PCDHGB3: variants seen among roughly 807,000 people sequenced by gnomAD.
PCDHGB3 encodes protocadherin gamma subfamily B, 3, also known as protocadherin gamma-B3.
PCDHGB3 carries 40 observed loss-of-function variants against 59.2 expected under a neutral mutation model. That is an observed-to-expected ratio of 0.68 (90% CI 0.52 to 0.88). The LOEUF (loss-of-function observed/expected upper bound fraction) is 0.88, where lower values mean the gene tolerates loss of function less well. Ranked by LOEUF, PCDHGB3 falls within the 40% of genes least tolerant of loss-of-function variation. PCDHGB3 has a pLI of 0.00. For missense variants in PCDHGB3, 1,309 were observed against 1,187.9 expected (o/e 1.10, Z -1.50); for synonymous variants, 581 against 503.6 (o/e 1.15, Z -2.06).
intron 1 of PCDHGB3, chr5:141,403,407 A>T (rs2094404225): frequency 6.2e-7 from 1 of 1,613,940 alleles, no homozygotes. Context: ...GGAGCACGTT[A>T]TCCACTTCCA....
At chr5:141,422,168 G>T in intron 1 of PCDHGB3, 2 of 1,563,582 alleles carry the variant, frequency 1.3e-6, no homozygotes, top group Non-Finnish European at 1.7e-6. Context: ...GAAAAATATA[G>T]ATTCTATGAG....
At chr5:141,403,105 C>T in intron 1 of PCDHGB3, 1 of 1,614,056 alleles carries the variant, frequency 6.2e-7, no homozygotes. Flanking sequence ...TCTCCAAGGA[C>T]CTGGCTCTGG....
chr5:141,483,257 T>G, intron 1 of PCDHGB3, among the ~76,000 whole-genome samples: 1 of 137,924 alleles, frequency 7.3e-6, no homozygotes, highest in East Asian at 1.9e-4. Flanking sequence ...ATCATGAGGT[T>G]TTTTTGTTTT....
chr5:141,415,455 G>A (rs571718366), intron 1 of PCDHGB3: 2 of 1,614,186 alleles, frequency 1.2e-6, no homozygotes, highest in African/African-American at 1.3e-5. Context: ...ATTCCCACGA[G>A]GTCTCTCTCA....
At chr5:141,492,008 G>A (rs1201433644) in intron 1 of PCDHGB3, 21 of 616,588 alleles carry the variant, frequency 3.4e-5, no homozygotes, top group Admixed American at 2.9e-4. Flanking sequence ...CGATTTCCGC[G>A]GGTGTCGGGG....
Position 141,432,794 on chromosome 5 carries a change from G to C in PCDHGB3, c.2415+59985G>C. 3 of 1,614,138 alleles carry C rather than the reference G, an allele frequency of 1.9e-6. No homozygotes were observed. The highest frequency in any genetic ancestry group is 1.7e-5 in the Admixed American group (1 of 60,026). ...AGTCCTGGCGGACCTCGGCAGCCTC[G>C]AGTCTCCAGCTAACTCTGAAACCTC... On this transcript the variant is annotated intron_variant, in intron 1 of 3. Coordinates refer to ENST00000576222, the MANE Select transcript of PCDHGB3 (RefSeq NM_018924.5). The surrounding 1 kb of genome is among the most constrained non-coding windows in gnomAD (Gnocchi z 6.0).
chr5:141,381,826 C>CTTCTT (rs1777532522), intron 1 of PCDHGB3, among the ~76,000 whole-genome samples: 13 of 74,294 alleles, frequency 1.7e-4, no homozygotes, highest in South Asian at 5.2e-4. Context: ...CTTTCTTCTT[C>CTTCTT]TTTTTTTTTT....
At chr5:141,510,056 G>C (rs1450505898) in intron 3 of PCDHGB3, among the ~76,000 whole-genome samples, 2 of 152,174 alleles carry the variant, frequency 1.3e-5, no homozygotes. Flanking sequence ...AAGTGATTGT[G>C]CATGTGAAGC....
Position 141,374,094 on chromosome 5 carries a change from C to A in PCDHGB3, c.2415+1285C>A. 1 of 1,555,744 alleles carries A rather than the reference C, an allele frequency of 6.4e-7. No homozygotes were observed. The highest frequency in any genetic ancestry group is 1.2e-5 in the South Asian group (1 of 82,772). On this transcript the variant is annotated intron_variant, in intron 1 of 3. Coordinates refer to ENST00000576222, the MANE Select transcript of PCDHGB3 (RefSeq NM_018924.5). ...CCTAATAAGCCAGTAATGGCGCCTC[C>A]GCAGAGGCATCCGCAGCGCAGCGAG...
At position 141,489,733 on chromosome 5, in the gene PCDHGB3, A is replaced by C; in HGVS notation, c.2416-5074A>C. ...TGCCCAGGATCCGGATGTGGGCACC[A>C]ATACTGTGAGCTTTTACACTCTAAG... On this transcript the variant is annotated intron_variant, in intron 1 of 3. Coordinates refer to ENST00000576222, the MANE Select transcript of PCDHGB3 (RefSeq NM_018924.5). This position sits in a 1 kb window ranked among gnomAD's most constrained non-coding sequence, Gnocchi z 4.5. 1 of 1,614,168 alleles carries C rather than the reference A, an allele frequency of 6.2e-7. No individual in the cohort carries two copies. The highest frequency in any genetic ancestry group is 1.1e-5 in the South Asian group (1 of 91,078).
Position 141,493,957 on chromosome 5 carries a change from G to A in PCDHGB3, c.2416-850G>A, listed in dbSNP as rs1360777586. 6.6e-6 allele frequency among the ~76,000 whole-genome samples: 1 copy of A among 152,228 alleles called. No individual in the cohort carries two copies. The highest frequency in any genetic ancestry group is 2.4e-5 in the African/African-American group (1 of 41,458). On this transcript the variant is annotated intron_variant, in intron 1 of 3. Coordinates refer to ENST00000576222, the MANE Select transcript of PCDHGB3 (RefSeq NM_018924.5). This position sits in a 1 kb window ranked among gnomAD's most constrained non-coding sequence, Gnocchi z 4.3. ...AGACCAGAAGGGACTCAGGAATGAA[G>A]TGGCTGGCCAGAGCCCCACACCTTC... is the stretch of plus-strand genomic sequence containing the variant.
chr5:141,456,308 T>C (rs2098849199), intron 1 of PCDHGB3, among the ~76,000 whole-genome samples: 1 of 152,156 alleles, frequency 6.6e-6, no homozygotes, highest in Non-Finnish European at 1.5e-5. Context: ...GAACAGCAGC[T>C]AGGGCTCCTC....
chr5:141,453,784 G>T (rs767312144), intron 1 of PCDHGB3, among the ~76,000 whole-genome samples: 47 of 152,298 alleles, frequency 3.1e-4, no homozygotes, highest in Non-Finnish European at 5.6e-4. Flanking sequence ...AGTTACCATG[G>T]TATATTAACT....
At chr5:141,403,227 G>A (rs2094378929) in intron 1 of PCDHGB3, 4 of 1,608,848 alleles carry the variant, frequency 2.5e-6, no homozygotes, top group African/African-American at 1.3e-5. Flanking sequence ...AGGATAGACC[G>A]GGAGGAGCTC....
chr5:141,374,945 A>G, intron 1 of PCDHGB3: 1 of 1,614,034 alleles, frequency 6.2e-7, no homozygotes, highest in Non-Finnish European at 8.5e-7. Flanking sequence ...TACAGAAAAG[A>G]TCTCACAAAT....
intron 1 of PCDHGB3, chr5:141,417,908 C>G (rs1255727429): frequency 6.3e-7 from 1 of 1,597,500 alleles, no homozygotes; most frequent in Non-Finnish European, 8.5e-7. Context: ...GCGGCAGGTA[C>G]TATTTCCTTT....
intron 1 of PCDHGB3, among the ~76,000 whole-genome samples, chr5:141,435,568 A>C (rs564789030): frequency 8.7e-4 from 132 of 152,274 alleles, no homozygotes; most frequent in Middle Eastern, 6.8e-3. Context: ...TTTTTTTAGT[A>C]CTGGGGCAAA....
chr5:141,390,124 C>T (rs369369148), intron 1 of PCDHGB3: 24 of 1,613,924 alleles, frequency 1.5e-5, no homozygotes, highest in Non-Finnish European at 1.9e-5. Context: ...GGGACTTTGC[C>T]TTATTCCTAC....
Position 141,371,772 on chromosome 5 carries a change from C to A in PCDHGB3, c.1378C>A (p.His460Asn), listed in dbSNP as rs1169459102. ...PVFHQASYTV[H>N]VAENNPPGAS... ...TTTCCACCAGGCCTCCTACACCGTG[C>A]ATGTAGCTGAGAACAATCCGCCTGG... is the stretch of plus-strand genomic sequence containing the variant. Residue 460 changes from histidine (H) to asparagine (N), a missense_variant, in exon 1 of 4, where the codon CAT becomes AAT. Physicochemically the swap from His to Asn is moderately conservative, Grantham distance 68. Coordinates refer to ENST00000576222, the MANE Select transcript of PCDHGB3 (RefSeq NM_018924.5). The A allele has an allele frequency of 6.2e-7, 1 of 1,614,022 alleles. No individual in the cohort carries two copies. Among genetic ancestry groups the A allele is most frequent in the Admixed American group, 1.7e-5 (1 of 60,038 alleles).
Sources: allele counts gnomAD v4.1 joint callset (sites outside exome capture counted in the v4.1 genomes callset), GRCh38; gene constraint gnomAD v4.1.1; non-coding constraint Gnocchi (gnomAD v3.1); transcripts MANE v1.5; gene names NCBI Gene and HGNC (gene_info 2026-07-23, HGNC 2026-07-21).